Variants in RYR2 observed in about 807,000 individuals in gnomAD.
RYR2 encodes the protein cardiac muscle ryanodine receptor-calcium release channel.
A neutral mutation model predicts 601.1 loss-of-function variants in RYR2; 227 were observed. The ratio of observed to expected loss-of-function variants is 0.38; its 90% confidence interval spans 0.34 to 0.42. The LOEUF (loss-of-function observed/expected upper bound fraction) is 0.42. RYR2 is among the 10% of genes least tolerant of loss of function. The probability of loss-of-function intolerance (pLI) is 1.00; values close to 1 mark genes in which losing one functional copy is unlikely to be tolerated. For missense variants in RYR2, 4,646 were observed against 6,156.5 expected, an observed-to-expected ratio of 0.75 and a Z score of 8.21; for synonymous variants, 2,223 against 2,175.1, an observed-to-expected ratio of 1.02 and a Z score of -0.61.
At chr1:237,803,193 T>TTAG (rs1558449805) in intron 98 of RYR2, among the ~76,000 whole-genome samples, 1 of 152,034 alleles carries the variant, frequency 6.6e-6, no homozygotes, top group African/African-American at 2.4e-5. Flanking sequence ...TCATTCAAAT[T>TTAG]TTACTGTGCA....
intron 62 of RYR2, 34 bp from the exon 63 acceptor site, chr1:237,687,421 T>G (rs1457516291): frequency 1.9e-6 from 2 of 1,075,232 alleles, no homozygotes; most frequent in Non-Finnish European, 2.8e-6. Context: ...CCTTCCCCCT[T>G]CCCTTTTCTC....
intron 11 of RYR2, among the ~76,000 whole-genome samples, chr1:237,418,434 C>T (rs1705231435): frequency 6.6e-6 from 1 of 152,136 alleles, no homozygotes; most frequent in South Asian, 2.1e-4. Context: ...CGTTTCTGCT[C>T]CTGTGTCCCA....
chr1:237,722,062 C>A (rs1689771439), intron 73 of RYR2, among the ~76,000 whole-genome samples: 1 of 152,114 alleles, frequency 6.6e-6, no homozygotes, highest in Admixed American at 6.5e-5. Flanking sequence ...AATTTAATAT[C>A]TTTGCCTCAG....
At chr1:237,713,714 A>T (rs904768240) in intron 71 of RYR2, among the ~76,000 whole-genome samples, 14 of 152,110 alleles carry the variant, frequency 9.2e-5, no homozygotes, top group Admixed American at 2.6e-4. Context: ...ATCTCAAAAA[A>T]ATATATATAG....
intron 25 of RYR2, among the ~76,000 whole-genome samples, chr1:237,539,065 C>A (rs1441956459): frequency 1.3e-5 from 2 of 152,202 alleles, no homozygotes; most frequent in African/African-American, 4.8e-5. Context: ...AACCTAGATA[C>A]AACCTAGATA....
chr1:237,493,908 G>A (rs866414836), intron 19 of RYR2, among the ~76,000 whole-genome samples: 5 of 152,142 alleles, frequency 3.3e-5, no homozygotes, highest in African/African-American at 7.2e-5. Flanking sequence ...CAGCTGTGGC[G>A]CTAAGGGCTT....
chr1:237,711,574 C>G (rs1573625787), intron 70 of RYR2, among the ~76,000 whole-genome samples, 171 bp from the exon 71 acceptor site: 1 of 152,370 alleles, frequency 6.6e-6, no homozygotes, highest in South Asian at 2.1e-4. Flanking sequence ...ATTCTTGCTT[C>G]TAGCCAAGTA....
intron 98 of RYR2, among the ~76,000 whole-genome samples, chr1:237,803,398 G>T (rs1660211516): frequency 6.6e-6 from 1 of 151,880 alleles, no homozygotes; most frequent in African/African-American, 2.4e-5. Context: ...CCGCCTCCTG[G>T]GTTCACACCA....
intron 12 of RYR2, among the ~76,000 whole-genome samples, chr1:237,440,902 T>C (rs747084364): frequency 6.6e-6 from 1 of 152,002 alleles, no homozygotes; most frequent in Non-Finnish European, 1.5e-5. Flanking sequence ...AAAGGTTTAA[T>C]TAACTTGCTA....
intron 79 of RYR2, among the ~76,000 whole-genome samples, chr1:237,741,161 A>G (rs757070128): frequency 6.6e-6 from 1 of 152,144 alleles, no homozygotes. Flanking sequence ...TCATGTGCCT[A>G]TCATTATAAA....
intron 1 of RYR2, among the ~76,000 whole-genome samples, chr1:237,256,271 C>T (rs1020048638): frequency 9.9e-5 from 15 of 152,246 alleles, no homozygotes; most frequent in Non-Finnish European, 2.1e-4. Flanking sequence ...GGAGGCCTCC[C>T]TAGCCACATG....
chr1:237,130,202 A>G (rs1275387125), intron 1 of RYR2, among the ~76,000 whole-genome samples: 2 of 152,252 alleles, frequency 1.3e-5, no homozygotes, highest in Admixed American at 1.3e-4. Flanking sequence ...CGTTGTACAC[A>G]GCAAATATAC....
chr1:237,277,768 C>T (rs960062246), intron 2 of RYR2, among the ~76,000 whole-genome samples: 3 of 151,696 alleles, frequency 2.0e-5, no homozygotes, highest in African/African-American at 4.8e-5. Context: ...TGCAGTGAGC[C>T]GAGATCGTAC....
At chr1:237,671,118 G>T (rs1430774961) in intron 58 of RYR2, among the ~76,000 whole-genome samples, 4 of 152,186 alleles carry the variant, frequency 2.6e-5, no homozygotes, top group Non-Finnish European at 5.9e-5. Context: ...TGAGGTAGGG[G>T]AAATTAGTCC....
Position 237,643,458 on chromosome 1 carries a change from C to A in RYR2, c.7342+11C>A. 1.2e-6 allele frequency: 2 copies of A among 1,613,780 alleles called. No homozygotes were observed. Among genetic ancestry groups the A allele is most frequent in the Non-Finnish European group, 1.7e-6 (2 of 1,179,776 alleles). On this transcript the variant is annotated intron_variant, in intron 48 of 104. Coordinates refer to ENST00000366574, the MANE Select transcript of RYR2 (RefSeq NM_001035.3). ...CAACAATAGCCAAAGGTAAGGCCAA[C>A]TTCAATTTGTCCTAATTCAGTAGGA...
At chr1:237,331,758 C>G (rs1420698205) in intron 3 of RYR2, among the ~76,000 whole-genome samples, 1 of 152,014 alleles carries the variant, frequency 6.6e-6, no homozygotes, top group East Asian at 1.9e-4. Context: ...TCGTGATCTG[C>G]CCACCTTGGC....
At chr1:237,755,563 G>A (rs140905062) in intron 80 of RYR2, among the ~76,000 whole-genome samples, 1 of 152,308 alleles carries the variant, frequency 6.6e-6, no homozygotes, top group Non-Finnish European at 1.5e-5. Flanking sequence ...GGTCATACCA[G>A]TCTTGAACTT....
At position 237,813,208 on chromosome 1, in the gene RYR2, G is replaced by A. The variant is rs142471158; in HGVS notation, c.14433+4173G>A. Among the ~76,000 whole-genome samples, 1,398 of 152,254 alleles carry A rather than the reference G, an allele frequency of 9.2e-3. 27 individuals are homozygous for A. The highest frequency in any genetic ancestry group is 0.032 in the African/African-American group (1,338 of 41,534). On this transcript the variant is annotated intron_variant, in intron 100 of 104. Transcript: ENST00000366574. ...AAGGGAGGTGCAGAAGGTAGCAGTAGCAGGTACATTGCCTGCAGTGACTTC... is the reference window on the plus strand; with the variant it reads ...AAGGGAGGTGCAGAAGGTAGCAGTAACAGGTACATTGCCTGCAGTGACTTC...
At chr1:237,401,604 C>T (rs1703353997) in intron 10 of RYR2, among the ~76,000 whole-genome samples, 2 of 152,198 alleles carry the variant, frequency 1.3e-5, no homozygotes, top group African/African-American at 4.8e-5. Context: ...ATATTTTACC[C>T]TCTTAGCACA....
Sources: gnomAD v4.1 joint callset for allele counts (sites outside exome capture counted in the v4.1 genomes callset) on GRCh38, gnomAD v4.1.1 for gene constraint, MANE v1.5 for transcripts, NCBI Gene and HGNC (gene_info 2026-07-23, HGNC 2026-07-21) for gene names.